The following FBN2 variants were observed in gnomAD, a reference collection of about 807,000 sequenced individuals.
FBN2 encodes the protein fibrillin-2.
FBN2 carries 105 observed loss-of-function variants against 355.6 expected under a neutral mutation model. That is an observed-to-expected ratio of 0.30 (90% CI 0.25 to 0.35). The LOEUF (loss-of-function observed/expected upper bound fraction) is 0.35. Ranked by LOEUF, FBN2 falls within the 10% of genes least tolerant of loss-of-function variation. The pLI, the probability that FBN2 is intolerant of heterozygous loss-of-function variation, is 1.00. For synonymous variants in FBN2, 1,350 were observed against 1,301.2 expected (o/e 1.04, Z -0.81); for missense variants, 3,280 against 3,758.7 (o/e 0.87, Z 3.33).
chr5:128,462,073 C>T (rs1361487750), intron 6 of FBN2, among the ~76,000 whole-genome samples: 6 of 152,144 alleles, frequency 3.9e-5, no homozygotes, highest in African/African-American at 1.4e-4. Context: ...TCCACAGCTA[C>T]TCTGTTTACT....
chr5:128,414,858 C>T (rs1482000098), intron 7 of FBN2, among the ~76,000 whole-genome samples: 3 of 152,014 alleles, frequency 2.0e-5, no homozygotes, highest in African/African-American at 7.2e-5. Context: ...ACTTGGTTTG[C>T]ATTTGCCTGA....
At chr5:128,288,043 C>T (rs1749208247) in intron 53 of FBN2, among the ~76,000 whole-genome samples, 1 of 152,202 alleles carries the variant, frequency 6.6e-6, no homozygotes, top group South Asian at 2.1e-4. Context: ...CCAGAGTTGA[C>T]TGTCTGCTAA....
intron 5 of FBN2, among the ~76,000 whole-genome samples, chr5:128,484,413 T>C (rs1755279201): frequency 6.6e-6 from 1 of 152,178 alleles, no homozygotes; most frequent in Non-Finnish European, 1.5e-5. Context: ...AAGAAATATA[T>C]ATATTTGCCA....
chr5:128,432,108 A>T (rs1312767580), intron 7 of FBN2, among the ~76,000 whole-genome samples: 2 of 152,208 alleles, frequency 1.3e-5, no homozygotes, highest in Non-Finnish European at 2.9e-5. Context: ...ACCCTGAATC[A>T]TTTAAATTAC....
At chr5:128,328,857 C>T (rs777634107) in intron 33 of FBN2, 36 bp from the exon 34 acceptor site, 3 of 1,612,568 alleles carry the variant, frequency 1.9e-6, no homozygotes, top group Non-Finnish European at 2.5e-6. Context: ...CTGTTAAGTT[C>T]CAAATTTCAT....
chr5:128,309,174 T>A, intron 41 of FBN2, 73 bp downstream of exon 41: 1 of 1,526,176 alleles, frequency 6.6e-7, no homozygotes, highest in Non-Finnish European at 9.1e-7. Flanking sequence ...ATGCAGTGAC[T>A]TTGACTATAC....
At position 128,327,571 on chromosome 5, in the gene FBN2, TA is replaced by T. The variant is rs1465956339; in HGVS notation, c.4471+1124del. On this transcript the variant is annotated intron_variant, in intron 34 of 64. Transcript: ENST00000262464. ...TTATCATTTTTGCTCAGCAGTTAGG[TA>T]TTTTTTTTTTTTTCATGAGGCTGCA... Among the ~76,000 whole-genome samples, 2 of 101,896 alleles carry T rather than the reference TA, an allele frequency of 2.0e-5. 1 individual carries two copies. The highest frequency in any genetic ancestry group is 7.3e-4 in the South Asian group (2 of 2,752). The allele number at this position is 101,896 out of a possible 152,430, so 66.8% of individuals were successfully genotyped here.
intron 34 of FBN2, among the ~76,000 whole-genome samples, chr5:128,323,997 T>G (rs899887498): frequency 2.6e-5 from 4 of 152,226 alleles, no homozygotes; most frequent in Admixed American, 6.5e-5. Context: ...GGGATTCAAC[T>G]TCTTCCTGGT....
intron 20 of FBN2, among the ~76,000 whole-genome samples, chr5:128,356,508 G>A (rs1751508837): frequency 6.6e-6 from 1 of 152,220 alleles, no homozygotes; most frequent in Non-Finnish European, 1.5e-5. Context: ...TATATATTTA[G>A]TTCACTTTAA....
intron 6 of FBN2, among the ~76,000 whole-genome samples, chr5:128,447,776 G>C (rs1561461771): frequency 6.6e-6 from 1 of 152,152 alleles, no homozygotes; most frequent in African/African-American, 2.4e-5. Flanking sequence ...GGCACCTGCC[G>C]ACATGTGATG....
At chr5:128,491,197 C>T (rs1464142565) in intron 5 of FBN2, among the ~76,000 whole-genome samples, 1 of 152,164 alleles carries the variant, frequency 6.6e-6, no homozygotes, top group Non-Finnish European at 1.5e-5. Flanking sequence ...AAAGAACACA[C>T]ACAGTCTGTA....
chr5:128,434,412 A>ATC (rs1753720198), intron 7 of FBN2, among the ~76,000 whole-genome samples: 1 of 123,742 alleles, frequency 8.1e-6, no homozygotes, highest in African/African-American at 3.2e-5. Flanking sequence ...ATATATATAT[A>ATC]TATATATATA....
Position 128,261,750 on chromosome 5 carries a change from G to T in FBN2, c.8350C>A (p.Pro2784Thr). 6.2e-7 allele frequency: 1 copy of T among 1,614,172 alleles called. No homozygotes were observed. The highest frequency in any genetic ancestry group is 8.5e-7 in the Non-Finnish European group (1 of 1,180,002). The change falls in exon 64 of 65, where the codon CCT (proline) becomes ACT (threonine). Residue 2784 changes from proline (P) to threonine (T), a missense_variant. Around this residue, in one of 6 missense-constraint regions of FBN2, gnomAD observed 311 missense variants for 319.1 expected, o/e 0.97. Transcript: ENST00000262464. ...GATATACTCACAGCAGTGGGATCAGGTTCATGAATACTTCTCTTCTGCCTG... is the reference window on the plus strand; with the variant it reads ...GATATACTCACAGCAGTGGGATCAGTTTCATGAATACTTCTCTTCTGCCTG... ...DSRQKRSIHE[P>T]DPTAVEQISL...
At chr5:128,429,836 G>A (rs1753574170) in intron 7 of FBN2, among the ~76,000 whole-genome samples, 1 of 152,136 alleles carries the variant, frequency 6.6e-6, no homozygotes, top group South Asian at 2.1e-4. Context: ...AGTTTATTAA[G>A]TTGAATTAAT....
At chr5:128,328,280 CA>C in intron 34 of FBN2, 1 of 366,548 alleles carries the variant, frequency 2.7e-6, no homozygotes, top group Non-Finnish European at 5.1e-6. Flanking sequence ...ATACAGACAG[CA>C]GTCTCAACCA....
intron 16 of FBN2, among the ~76,000 whole-genome samples, chr5:128,367,836 A>T (rs1245546835): frequency 1.3e-5 from 2 of 151,726 alleles, no homozygotes; most frequent in Non-Finnish European, 2.9e-5. Context: ...TCAGTTTGGT[A>T]CATTTTAGAA....
chr5:128,388,079 C>A (rs767801518), intron 11 of FBN2, among the ~76,000 whole-genome samples: 1 of 152,062 alleles, frequency 6.6e-6, no homozygotes, highest in African/African-American at 2.4e-5. Context: ...TGCACTGAAC[C>A]TTTATTATTA....
chr5:128,532,494 G>C (rs1415633777), intron 2 of FBN2, among the ~76,000 whole-genome samples: 1 of 152,144 alleles, frequency 6.6e-6, no homozygotes, highest in Non-Finnish European at 1.5e-5. Context: ...CCATAATTGA[G>C]TTCTCTCTTT....
intron 62 of FBN2, 33 bp from the exon 63 acceptor site, chr5:128,263,689 G>A (rs1332167677): frequency 6.4e-7 from 1 of 1,557,542 alleles, no homozygotes; most frequent in South Asian, 1.1e-5. Flanking sequence ...TCTTACACGG[G>A]GAAGCAGGCA....
Sources: allele counts gnomAD v4.1 joint callset (sites outside exome capture counted in the v4.1 genomes callset), GRCh38; gene constraint gnomAD v4.1.1; regional missense constraint gnomAD v4.1.1; transcripts MANE v1.5; gene names NCBI Gene and HGNC (gene_info 2026-07-23, HGNC 2026-07-21).